Variants in BANK1 observed in about 807,000 individuals in gnomAD.
The protein encoded by BANK1 is B-cell scaffold protein with ankyrin repeats.
In BANK1, 95 loss-of-function variants were observed where a neutral mutation model predicts 94.5. The ratio of observed to expected loss-of-function variants is 1.00; its 90% CI spans 0.85 to 1.19. The LOEUF (loss-of-function observed/expected upper bound fraction) is 1.19, where lower values mean the gene tolerates loss of function less well. Ranked by LOEUF, BANK1 falls within the 50% of genes most tolerant of loss-of-function variation. BANK1 has a pLI of 0.00. For missense variants in BANK1, 987 were observed against 932.2 expected (o/e 1.06, Z -0.77); for synonymous variants, 334 against 308.4 (o/e 1.08, Z -0.87).
chr4:102,019,549 T>C (rs1444125704), intron 7 of BANK1, among the ~76,000 whole-genome samples: 1 of 152,212 alleles, frequency 6.6e-6, no homozygotes, highest in African/African-American at 2.4e-5. Flanking sequence ...ACACAGCTAA[T>C]ATATGATAGA....
chr4:102,015,270 T>G (rs1458093095), intron 7 of BANK1, among the ~76,000 whole-genome samples: 1 of 152,144 alleles, frequency 6.6e-6, no homozygotes, highest in African/African-American at 2.4e-5. Flanking sequence ...TATGCTTTTT[T>G]TGGTATCTTT....
intron 9 of BANK1, among the ~76,000 whole-genome samples, 168 bp downstream of exon 9, chr4:102,025,677 G>A (rs766348887): frequency 6.6e-6 from 1 of 152,116 alleles, no homozygotes; most frequent in Non-Finnish European, 1.5e-5. Context: ...TGAGGCAAGA[G>A]ATACCTACCT....
chr4:102,025,105 A>G (rs1333057287), intron 8 of BANK1, 96 bp from the exon 9 acceptor site: 2 of 1,307,228 alleles, frequency 1.5e-6, no homozygotes, highest in African/African-American at 1.5e-5. Context: ...TAAAAGTTTT[A>G]TTAGCAGTAC....
At chr4:102,009,527 A>G (rs1726414123) in intron 7 of BANK1, among the ~76,000 whole-genome samples, 1 of 152,180 alleles carries the variant, frequency 6.6e-6, no homozygotes, top group Non-Finnish European at 1.5e-5. Flanking sequence ...TCTTATGAAC[A>G]TGATTCTTGA....
At chr4:101,843,778 T>G (rs1376251190) in intron 2 of BANK1, among the ~76,000 whole-genome samples, 2 of 151,636 alleles carry the variant, frequency 1.3e-5, no homozygotes, top group African/African-American at 2.4e-5. Flanking sequence ...AAAGATTAGC[T>G]GGGCGTGCTG....
At chr4:101,991,085 G>A (rs1031514309) in intron 7 of BANK1, among the ~76,000 whole-genome samples, 8 of 152,068 alleles carry the variant, frequency 5.3e-5, no homozygotes, top group Non-Finnish European at 7.4e-5. Context: ...TATTATCCCC[G>A]TTTTGTATAT....
chr4:101,995,438 T>A (rs1049011224), intron 7 of BANK1, among the ~76,000 whole-genome samples: 2 of 152,222 alleles, frequency 1.3e-5, no homozygotes, highest in African/African-American at 2.4e-5. Context: ...TAGAATTATT[T>A]ATAATACTTT....
chr4:102,044,366 A>G (rs184769951), intron 11 of BANK1, among the ~76,000 whole-genome samples: 68 of 152,300 alleles, frequency 4.5e-4, no homozygotes, highest in African/African-American at 1.2e-3. Flanking sequence ...TGAACTCATC[A>G]TTTTTTATGG....
chr4:102,070,564 A>G, intron 13 of BANK1, among the ~76,000 whole-genome samples: 1 of 152,234 alleles, frequency 6.6e-6, no homozygotes, highest in East Asian at 1.9e-4. Flanking sequence ...GTGATCAATT[A>G]TCACTTTAGT....
intron 2 of BANK1, among the ~76,000 whole-genome samples, chr4:101,832,482 G>A (rs1431308749): frequency 1.3e-5 from 2 of 152,036 alleles, no homozygotes; most frequent in Non-Finnish European, 1.5e-5. Flanking sequence ...ATCCCTTTGA[G>A]TCTATTAATA....
At chr4:101,821,517 C>G (rs1165130540) in intron 1 of BANK1, among the ~76,000 whole-genome samples, 2 of 152,132 alleles carry the variant, frequency 1.3e-5, no homozygotes, top group Non-Finnish European at 2.9e-5. Context: ...GTCATGAAGT[C>G]TTTGCCCATT....
At chr4:101,976,047 G>T (rs1725115248) in intron 7 of BANK1, among the ~76,000 whole-genome samples, 1 of 152,108 alleles carries the variant, frequency 6.6e-6, no homozygotes, top group Non-Finnish European at 1.5e-5. Context: ...AATTCATTCA[G>T]TAAATAATTT....
chr4:101,822,807 G>T (rs1726221522), intron 1 of BANK1, among the ~76,000 whole-genome samples: 1 of 151,912 alleles, frequency 6.6e-6, no homozygotes, highest in African/African-American at 2.4e-5. Context: ...AGTAGAGGCG[G>T]GGTTTCGCCA....
rs770928824 is a variant in BANK1, at chr4:101,862,588, A to G, written c.687A>G (p.Glu229=). ...DEVIGDTVEV[E]FTSSNKRIRT... is the part of the protein sequence containing the mutation. ...TAATTGGTGATACTGTAGAGGTTGAATTTACATCAAGTAATAAGCGCATTA... is the reference window on the plus strand; with the variant it reads ...TAATTGGTGATACTGTAGAGGTTGAGTTTACATCAAGTAATAAGCGCATTA... The change falls in exon 4 of 17, where the codon GAA becomes GAG. Residue 229 remains glutamate (E), a synonymous_variant. Coordinates refer to ENST00000322953, the MANE Select transcript of BANK1 (RefSeq NM_017935.5). 12 of 1,611,490 alleles carry G rather than the reference A, an allele frequency of 7.4e-6. No homozygotes were observed. The Admixed American group carries it at 2.0e-4, about 27-fold the overall frequency.
At position 101,842,116 on chromosome 4, in the gene BANK1, G is replaced by A. The variant is rs202117819; in HGVS notation, c.469+11910G>A. Reference sequence around the variant, plus strand: ...CTCAAATAATATCTCCTCAAACATTGTTATTTGACAGATTGTGAAATTGAA... The same window carrying A: ...CTCAAATAATATCTCCTCAAACATTATTATTTGACAGATTGTGAAATTGAA... On this transcript the variant is annotated intron_variant, in intron 2 of 16. Transcript: ENST00000322953. 9.2e-5 allele frequency among the ~76,000 whole-genome samples: 14 copies of A among 152,184 alleles called. No homozygotes were observed. In the East Asian group the frequency reaches 2.7e-3, roughly 29 times the overall value.
chr4:101,942,587 A>G (rs1578411746), intron 7 of BANK1, among the ~76,000 whole-genome samples: 4 of 152,052 alleles, frequency 2.6e-5, no homozygotes, highest in African/African-American at 9.6e-5. Context: ...GTCACTGTAC[A>G]GAGAAATATT....
chr4:101,801,144 T>G (rs1437475260), intron 1 of BANK1, among the ~76,000 whole-genome samples: 2 of 152,170 alleles, frequency 1.3e-5, no homozygotes, highest in Non-Finnish European at 1.5e-5. Context: ...TGTTGAGGAC[T>G]TAAAATATGT....
At chr4:102,050,117 G>A (rs1278649197) in intron 11 of BANK1, among the ~76,000 whole-genome samples, 1 of 152,162 alleles carries the variant, frequency 6.6e-6, no homozygotes, top group African/African-American at 2.4e-5. Flanking sequence ...TCTTCCAAGT[G>A]TACCTTAGTT....
At chr4:101,958,202 T>A (rs924964512) in intron 7 of BANK1, among the ~76,000 whole-genome samples, 4 of 152,188 alleles carry the variant, frequency 2.6e-5, no homozygotes, top group African/African-American at 9.7e-5. Flanking sequence ...ATTTATTATC[T>A]GATATGTGCT....
Sources: gnomAD v4.1 joint callset for allele counts (sites outside exome capture counted in the v4.1 genomes callset) on GRCh38, gnomAD v4.1.1 for gene constraint, MANE v1.5 for transcripts, NCBI Gene and HGNC (gene_info 2026-07-23, HGNC 2026-07-21) for gene names.